Variants in SH3PXD2B observed in about 807,000 individuals in gnomAD.
The protein encoded by SH3PXD2B is SH3 and PX domains 2B, also known as SH3 and PX domain-containing protein 2B.
SH3PXD2B carries 37 observed loss-of-function variants against 73.1 expected under a neutral mutation model. The observed-to-expected ratio is 0.51, with a 90% CI of 0.39 to 0.67. The LOEUF (loss-of-function observed/expected upper bound fraction) is 0.67. Ranked by LOEUF, SH3PXD2B falls within the 30% of genes least tolerant of loss-of-function variation. The pLI, the probability that SH3PXD2B is intolerant of heterozygous loss-of-function variation, is 0.00. For synonymous variants in SH3PXD2B, 457 were observed against 480.5 expected (o/e 0.95, Z 0.64); for missense variants, 1,053 against 1,197.8 (o/e 0.88, Z 1.78).
chr5:172,332,196 C>G (rs1018072268), downstream of SH3PXD2B, among the ~76,000 whole-genome samples: 2 of 151,704 alleles, frequency 1.3e-5, no homozygotes, highest in African/African-American at 2.4e-5. Flanking sequence ...TCTTGGTTTG[C>G]AAGAACTTGG....
chr5:172,334,045 C>T lies in SH3PXD2B; in HGVS notation c.*4324G>A. On this transcript the variant is annotated 3_prime_UTR_variant, in exon 13 of 13. Transcript: ENST00000311601. ...TAAAAGTGAAGGCTACCGACTGTGG[C>T]ACTGCGTTTGGCCTCTTTGAGGACA... is the stretch of plus-strand genomic sequence containing the variant. The T allele has an allele frequency of 8.5e-7, 1 of 1,170,216 alleles. No homozygotes were observed. The highest frequency in any genetic ancestry group is 1.1e-6 in the Non-Finnish European group (1 of 938,206). 72.5% of individuals were successfully genotyped at this position (1,170,216 alleles called of 1,614,324 possible). A position where few individuals can be genotyped will look rare whatever the true frequency, so the allele number is the denominator to read the frequency against.
intron 4 of SH3PXD2B, among the ~76,000 whole-genome samples, chr5:172,391,999 T>C (rs1758201884): frequency 6.6e-6 from 1 of 152,162 alleles, no homozygotes; most frequent in Non-Finnish European, 1.5e-5. Flanking sequence ...ATGCATGGTA[T>C]GAGATAAGGA....
intron 3 of SH3PXD2B, among the ~76,000 whole-genome samples, chr5:172,397,941 G>A (rs1006193267): frequency 3.3e-5 from 5 of 152,132 alleles, no homozygotes; most frequent in Admixed American, 2.6e-4. Flanking sequence ...TTTTAGTGGC[G>A]GCCGCTGCCA....
chr5:172,422,501 G>T lies in SH3PXD2B; in HGVS notation c.76-5C>A. 2 of 1,610,216 alleles carry T rather than the reference G, an allele frequency of 1.2e-6. No homozygotes were observed. The highest frequency in any genetic ancestry group is 1.1e-5 in the South Asian group (1 of 90,260). On this transcript the variant is annotated splice_region_variant and splice_polypyrimidine_tract_variant and intron_variant, in intron 1 of 12. Transcript: ENST00000311601. The stretch of plus-strand genomic sequence containing the variant: ...CGTGACCCGGATGATGTAGACCTGC[G>T]GGAGCAACAGAGGAGATGGGTGTTA...
intron 6 of SH3PXD2B, 126 bp from the exon 7 acceptor site, chr5:172,362,995 A>G (rs1025070565): frequency 5.3e-5 from 66 of 1,254,542 alleles, no homozygotes; most frequent in Non-Finnish European, 7.2e-5. Flanking sequence ...ACTCATCTCA[A>G]GGGTGACTTC....
intron 9 of SH3PXD2B, among the ~76,000 whole-genome samples, chr5:172,351,575 A>G (rs1259621172): frequency 6.6e-6 from 1 of 152,110 alleles, no homozygotes; most frequent in African/African-American, 2.4e-5. Flanking sequence ...GAAATTGACC[A>G]TGGTGGCAGT....
At chr5:172,409,325 C>T (rs1053436658) in intron 2 of SH3PXD2B, among the ~76,000 whole-genome samples, 3 of 151,766 alleles carry the variant, frequency 2.0e-5, no homozygotes, top group Admixed American at 6.6e-5. Context: ...GAGGTTGCAG[C>T]GAGCCGAGAC....
rs549986274 is a variant in SH3PXD2B at position 172,402,437 on chromosome 5, T to A, written c.232+3840A>T. On this transcript the variant is annotated intron_variant, in intron 3 of 12. Transcript: ENST00000311601. ...TTTTATTACCTTGTGAAGCATGTGATCTCTGTGACCCACACCCTATTCGTA... is the reference window on the plus strand; with the variant it reads ...TTTTATTACCTTGTGAAGCATGTGAACTCTGTGACCCACACCCTATTCGTA... Among the ~76,000 whole-genome samples, 6 of 152,354 alleles carry A rather than the reference T, an allele frequency of 3.9e-5. No homozygotes were observed. The East Asian group carries it at 7.7e-4, about 20-fold the overall frequency.
intron 3 of SH3PXD2B, among the ~76,000 whole-genome samples, chr5:172,402,191 T>C (rs1055298349): frequency 3.9e-5 from 6 of 152,174 alleles, no homozygotes; most frequent in African/African-American, 1.4e-4. Context: ...TTTATGGTTG[T>C]ATGTAAGGGA....
At chr5:172,415,937 G>C (rs755083634) in intron 2 of SH3PXD2B, among the ~76,000 whole-genome samples, 1 of 152,198 alleles carries the variant, frequency 6.6e-6, no homozygotes, top group African/African-American at 2.4e-5. Context: ...TGAATGAGAC[G>C]TGTGGTCAGA....
chr5:172,438,647 G>A (rs1759449250), intron 1 of SH3PXD2B, among the ~76,000 whole-genome samples: 1 of 152,160 alleles, frequency 6.6e-6, no homozygotes, highest in Admixed American at 6.5e-5. Context: ...AAAAAGGGAA[G>A]TCCACGTTCC....
At position 172,333,527 on chromosome 5, in the gene SH3PXD2B, C is replaced by T; in HGVS notation, c.*4842G>A. On this transcript the variant is annotated 3_prime_UTR_variant, in exon 13 of 13. Coordinates refer to ENST00000311601, the MANE Select transcript of SH3PXD2B (RefSeq NM_001017995.3). ...ATGATGAAGCTTGAAACCAGTCAAG[C>T]ACTTTTTTTATTTAAAAAAAAAAAA... is the stretch of plus-strand genomic sequence containing the variant. The T allele has an allele frequency of 8.7e-7, 1 of 1,153,024 alleles. No individual in the cohort carries two copies. The highest frequency in any genetic ancestry group is 1.1e-6 in the Non-Finnish European group (1 of 932,812). The allele number at this position is 1,153,024 out of a possible 1,614,324, so 71.4% of individuals were successfully genotyped here.
chr5:172,349,904 C>T (rs1436474728), intron 10 of SH3PXD2B, among the ~76,000 whole-genome samples: 2 of 152,020 alleles, frequency 1.3e-5, no homozygotes, highest in Non-Finnish European at 2.9e-5. Context: ...GGCTGGAGCG[C>T]GAGTGCAATG....
In SH3PXD2B at chr5:172,406,364, G is replaced by A. The variant is rs757658667; in HGVS notation, c.157-12C>T. 5 of 1,613,942 alleles carry A rather than the reference G, an allele frequency of 3.1e-6. No individual in the cohort carries two copies. The highest frequency in any genetic ancestry group is 4.2e-6 in the Non-Finnish European group (5 of 1,179,942). On this transcript the variant is annotated splice_polypyrimidine_tract_variant and intron_variant, in intron 2 of 12. Coordinates refer to ENST00000311601, the MANE Select transcript of SH3PXD2B (RefSeq NM_001017995.3). ...TCCAACATCTGCATCTAAGTGGGGG[G>A]CGAATACCAAAAACAAAAACCTTTC...
At chr5:172,359,581 G>A (rs1184198264) in intron 7 of SH3PXD2B, among the ~76,000 whole-genome samples, 7 of 152,040 alleles carry the variant, frequency 4.6e-5, no homozygotes, top group Admixed American at 1.3e-4. Flanking sequence ...ACGTGTGCAC[G>A]GGGCTGTTTG....
rs1398623741 is a variant in SH3PXD2B at position 172,441,857 on chromosome 5, CATGAAA to C, written c.75+12415_75+12420del. On this transcript the variant is annotated intron_variant, in intron 1 of 12. Coordinates refer to ENST00000311601, the MANE Select transcript of SH3PXD2B (RefSeq NM_001017995.3). ...CATAGGGGAGGAGAAGGGATTCCTC[CATGAAA>C]TCACATGTGGTTTCTGAAGGCCAGA... Among the ~76,000 whole-genome samples the C allele has an allele frequency of 1.2e-4, 19 of 152,110 alleles. No homozygotes were observed. In the South Asian group the frequency reaches 3.3e-3, roughly 27 times the overall value.
Position 172,406,314 on chromosome 5 carries a change from C to T in SH3PXD2B, c.195G>A (p.Gln65=). 6.2e-7 allele frequency: 1 copy of T among 1,614,122 alleles called. No individual in the cohort carries two copies. The highest frequency in any genetic ancestry group is 8.5e-7 in the Non-Finnish European group (1 of 1,180,008). ...GGATGATCCGCTGCTTGGGGTCCTT[C>T]TGTCCTCCTTCCATGGGAAATTTGT... ...MLDKFPMEGG[Q]KDPKQRIIPF... Residue 65 remains glutamine, a synonymous_variant, in exon 3 of 13, where the codon CAG becomes CAA. Transcript: ENST00000311601.
chr5:172,404,022 G>A (rs1758493065), intron 3 of SH3PXD2B, among the ~76,000 whole-genome samples: 1 of 152,244 alleles, frequency 6.6e-6, no homozygotes, highest in South Asian at 2.1e-4. Flanking sequence ...ACATTTGGCT[G>A]CCGCAGCTGG....
In SH3PXD2B at chr5:172,339,743, C is replaced by G; in HGVS notation, c.1362G>C (p.Ala454=). Reference sequence around the variant, plus strand: ...CTTCGCTGCCCGTGTTGTTCTCCAGCGCTGCTGCTTCCCCCAGCCGGAGCT... The same window carrying G: ...CTTCGCTGCCCGTGTTGTTCTCCAGGGCTGCTGCTTCCCCCAGCCGGAGCT... ...VTQLRLGEAA[A]LENNTGSEAT... Residue 454 remains alanine, a synonymous_variant, in exon 13 of 13, where the codon GCG becomes GCC. Coordinates refer to ENST00000311601, the MANE Select transcript of SH3PXD2B (RefSeq NM_001017995.3). This position sits in a 1 kb window ranked among gnomAD's most constrained non-coding sequence, Gnocchi z 6.1. 1 of 1,613,626 alleles carries G rather than the reference C, an allele frequency of 6.2e-7. No individual in the cohort carries two copies. Among genetic ancestry groups the G allele is most frequent in the Non-Finnish European group, 8.5e-7 (1 of 1,179,540 alleles).
Sources: gnomAD v4.1 joint callset for allele counts (sites outside exome capture counted in the v4.1 genomes callset) on GRCh38, gnomAD v4.1.1 for gene constraint, Gnocchi (gnomAD v3.1) non-coding constraint, MANE v1.5 for transcripts, NCBI Gene and HGNC (gene_info 2026-07-23, HGNC 2026-07-21) for gene names.